Variants in UGGT2 observed in about 807,000 individuals in gnomAD.
UGGT2 encodes UDP-glucose:glycoprotein glucosyltransferase 2.
In UGGT2, 180 loss-of-function variants were observed where a neutral mutation model predicts 192.1. The ratio of observed to expected loss-of-function variants is 0.94; its 90% CI spans 0.83 to 1.06. The LOEUF (loss-of-function observed/expected upper bound fraction) is 1.06. Among genes scored for constraint, UGGT2 ranks in the 50% least tolerant of loss-of-function variants. The pLI, the probability that UGGT2 is intolerant of heterozygous loss-of-function variation, is 0.00. For missense variants in UGGT2, 1,849 were observed against 1,795.7 expected (o/e 1.03, Z -0.54); for synonymous variants, 580 against 591.0 (o/e 0.98, Z 0.27).
chr13:95,906,137 G>A (rs2048283575), intron 20 of UGGT2, among the ~76,000 whole-genome samples: 1 of 152,026 alleles, frequency 6.6e-6, no homozygotes. Flanking sequence ...GCTACTCTTG[G>A]TACTTTGAAT....
At chr13:95,887,690 G>A (rs1242351179) in intron 26 of UGGT2, among the ~76,000 whole-genome samples, 1 of 152,102 alleles carries the variant, frequency 6.6e-6, no homozygotes, top group Non-Finnish European at 1.5e-5. Flanking sequence ...AATTAGGTCA[G>A]ATCACTTTGC....
At chr13:95,940,457 T>TTC (rs1443338965) in intron 15 of UGGT2, among the ~76,000 whole-genome samples, 3 of 144,002 alleles carry the variant, frequency 2.1e-5, no homozygotes, top group African/African-American at 7.6e-5. Context: ...TTCTTTTTCT[T>TTC]TTTTTTTTTT....
intron 38 of UGGT2, among the ~76,000 whole-genome samples, chr13:95,825,027 A>G (rs1189646199): frequency 6.6e-6 from 1 of 151,676 alleles, no homozygotes; most frequent in Non-Finnish European, 1.5e-5. Context: ...GGGAGTGAAG[A>G]CTCTATGAAT....
At chr13:95,885,663 G>A (rs972250504) in intron 26 of UGGT2, among the ~76,000 whole-genome samples, 1 of 152,170 alleles carries the variant, frequency 6.6e-6, no homozygotes, top group Non-Finnish European at 1.5e-5. Flanking sequence ...ATCACTGGGA[G>A]CCATGTTATG....
chr13:95,994,541 A>C (rs1309386210), intron 7 of UGGT2, among the ~76,000 whole-genome samples: 4 of 151,640 alleles, frequency 2.6e-5, no homozygotes, highest in African/African-American at 9.7e-5. Context: ...ATTTTCATTT[A>C]TTTTATTCAT....
chr13:95,987,788 T>C (rs1401673501), intron 8 of UGGT2, among the ~76,000 whole-genome samples: 2 of 152,114 alleles, frequency 1.3e-5, no homozygotes, highest in Non-Finnish European at 2.9e-5. Context: ...AGTATTTACC[T>C]TGGAAAAACA....
chr13:95,978,787 T>C (rs1343688476), intron 10 of UGGT2, among the ~76,000 whole-genome samples: 2 of 152,218 alleles, frequency 1.3e-5, no homozygotes, highest in Non-Finnish European at 2.9e-5. Context: ...AGAAATGTTG[T>C]CATTTTCAGA....
intron 25 of UGGT2, among the ~76,000 whole-genome samples, chr13:95,889,853 A>G (rs1034077043): frequency 2.6e-5 from 4 of 152,180 alleles, no homozygotes; most frequent in African/African-American, 9.7e-5. Flanking sequence ...GAGAAGTGAT[A>G]GGACAGCATA....
intron 12 of UGGT2, among the ~76,000 whole-genome samples, chr13:95,957,398 G>C (rs1216088637): frequency 5.3e-5 from 8 of 152,178 alleles, no homozygotes; most frequent in Non-Finnish European, 1.2e-4. Context: ...TCCAAAACCA[G>C]CTATACTCCT....
At chr13:96,015,148 G>T (rs2052289658) in intron 4 of UGGT2, among the ~76,000 whole-genome samples, 1 of 151,780 alleles carries the variant, frequency 6.6e-6, no homozygotes, top group South Asian at 2.1e-4. Flanking sequence ...CGTGGTGGCA[G>T]ACGCCTGTAG....
intron 12 of UGGT2, among the ~76,000 whole-genome samples, chr13:95,969,838 T>C (rs2050712849): frequency 6.6e-6 from 1 of 152,216 alleles, no homozygotes; most frequent in Non-Finnish European, 1.5e-5. Flanking sequence ...TGTCTTGTTG[T>C]TATTGTTCAT....
intron 36 of UGGT2, 65 bp downstream of exon 36, chr13:95,853,478 T>C: frequency 1.5e-6 from 2 of 1,305,690 alleles, no homozygotes; most frequent in Non-Finnish European, 2.1e-6. Flanking sequence ...TTAAAGTTTA[T>C]GAGCACGGAG....
intron 1 of UGGT2, among the ~76,000 whole-genome samples, chr13:96,052,006 A>G (rs1190599182): frequency 6.6e-6 from 1 of 152,208 alleles, no homozygotes; most frequent in Non-Finnish European, 1.5e-5. Context: ...AGAAGTCATG[A>G]AAAAGATAGT....
At chr13:95,996,328 C>T (rs1594535846) in intron 6 of UGGT2, among the ~76,000 whole-genome samples, 193 bp from the exon 7 acceptor site, 2 of 152,084 alleles carry the variant, frequency 1.3e-5, no homozygotes, top group East Asian at 3.9e-4. Flanking sequence ...ACAGTGAAAC[C>T]TTGTCTCTAC....
At chr13:95,821,766 AT>A (rs1456386997) in intron 38 of UGGT2, among the ~76,000 whole-genome samples, 2 of 152,132 alleles carry the variant, frequency 1.3e-5, no homozygotes, top group South Asian at 4.1e-4. Context: ...ATGTGGTTTC[AT>A]TCTTCTATAT....
At position 95,999,257 on chromosome 13, in the gene UGGT2, T is replaced by C; in HGVS notation, c.711A>G (p.Ala237=). Residue 237 remains alanine, a synonymous_variant, in exon 6 of 39, where the codon GCA becomes GCG. Coordinates refer to ENST00000376747, the MANE Select transcript of UGGT2 (RefSeq NM_020121.4). The stretch of plus-strand genomic sequence containing the variant: ...GTGCTTTGTATTCTGTACTCTTAAT[T>C]GCTAGCTCCACACCATACCCAGATA... ...MYLSGYGVEL[A]IKSTEYKALD... The C allele has an allele frequency of 6.2e-7, 1 of 1,613,696 alleles. No individual in the cohort carries two copies. The highest frequency in any genetic ancestry group is 8.5e-7 in the Non-Finnish European group (1 of 1,179,750).
intron 10 of UGGT2, chr13:95,983,515 A>G (rs2051193300): frequency 4.1e-6 from 2 of 484,240 alleles, no homozygotes; most frequent in Non-Finnish European, 8.0e-6. Flanking sequence ...TAATTACAAG[A>G]AACAGAATAA....
At chr13:96,034,380 T>C (rs1005736895) in intron 1 of UGGT2, among the ~76,000 whole-genome samples, 1 of 152,232 alleles carries the variant, frequency 6.6e-6, no homozygotes, top group Admixed American at 6.5e-5. Context: ...TCCTAAGAGC[T>C]GTACTGTCTC....
intron 29 of UGGT2, among the ~76,000 whole-genome samples, chr13:95,873,010 T>G (rs1185288705): frequency 6.6e-6 from 1 of 152,168 alleles, no homozygotes. Context: ...AGACTACAAA[T>G]AGCAAAGAAA....
Sources: gnomAD v4.1 joint callset for allele counts (sites outside exome capture counted in the v4.1 genomes callset) on GRCh38, gnomAD v4.1.1 for gene constraint, MANE v1.5 for transcripts, NCBI Gene and HGNC (gene_info 2026-07-23, HGNC 2026-07-21) for gene names.